The following PRORP variants were observed in gnomAD, a reference collection of about 807,000 sequenced individuals.
The protein encoded by PRORP is mitochondrial ribonuclease P catalytic subunit.
Under a neutral mutation model 59.4 loss-of-function variants are expected in PRORP, and 51 were observed. That is an observed-to-expected ratio of 0.86 (90% CI 0.69 to 1.08). PRORP has a LOEUF of 1.08. Ranked by LOEUF, PRORP falls within the 50% of genes least tolerant of loss-of-function variation. The pLI is 0.00. For synonymous variants in PRORP, 231 were observed against 245.6 expected (o/e 0.94, Z 0.55); for missense variants, 646 against 690.3 (o/e 0.94, Z 0.72).
At chr14:35,227,570 C>A (rs890774965) in intron 5 of PRORP, among the ~76,000 whole-genome samples, 1 of 152,064 alleles carries the variant, frequency 6.6e-6, no homozygotes, top group African/African-American at 2.4e-5. Context: ...CTGAACCAGT[C>A]CTTTAGCTTT....
intron 5 of PRORP, among the ~76,000 whole-genome samples, chr14:35,186,490 C>T (rs971485073): frequency 1.1e-4 from 17 of 151,864 alleles, no homozygotes; most frequent in African/African-American, 3.6e-4. Context: ...TTTCATTTTT[C>T]TTGAAGAAGC....
At chr14:35,214,102 A>G (rs558499604) in intron 5 of PRORP, among the ~76,000 whole-genome samples, 1 of 152,222 alleles carries the variant, frequency 6.6e-6, no homozygotes, top group Non-Finnish European at 1.5e-5. Flanking sequence ...CACTTGTCAG[A>G]ATGTTCATTT....
intron 4 of PRORP, among the ~76,000 whole-genome samples, chr14:35,155,040 G>A (rs555786188): frequency 2.0e-4 from 31 of 152,056 alleles, no homozygotes; most frequent in Non-Finnish European, 3.8e-4. Flanking sequence ...GACTACAGGT[G>A]CCTGCCACCA....
At chr14:35,184,694 AC>A (rs2048700711) in intron 5 of PRORP, among the ~76,000 whole-genome samples, 2 of 151,830 alleles carry the variant, frequency 1.3e-5, no homozygotes, top group Non-Finnish European at 2.9e-5. Flanking sequence ...GCTCAAGTAG[AC>A]CCCAGTGTCT....
At chr14:35,271,489 TTTTG>T (rs1234642317) in intron 7 of PRORP, among the ~76,000 whole-genome samples, 3 of 152,166 alleles carry the variant, frequency 2.0e-5, no homozygotes, top group Non-Finnish European at 4.4e-5. Context: ...TGTTTTTTAT[TTTTG>T]TTTATTTGCA....
intron 5 of PRORP, among the ~76,000 whole-genome samples, chr14:35,261,393 T>C (rs577324481): frequency 1.8e-4 from 27 of 152,330 alleles, no homozygotes; most frequent in Non-Finnish European, 3.5e-4. Context: ...TTACTTTTGA[T>C]CTAACATAGA....
At chr14:35,235,920 AC>A (rs1054296306) in intron 5 of PRORP, among the ~76,000 whole-genome samples, 7 of 151,758 alleles carry the variant, frequency 4.6e-5, no homozygotes, top group Non-Finnish European at 4.4e-5. Context: ...AAACAAAAAA[AC>A]ACCACAAAAA....
intron 4 of PRORP, among the ~76,000 whole-genome samples, chr14:35,153,302 A>G (rs1595199080): frequency 6.6e-6 from 1 of 152,222 alleles, no homozygotes; most frequent in Non-Finnish European, 1.5e-5. Flanking sequence ...AGGCAGGAGA[A>G]TCAGGCAGGG....
intron 4 of PRORP, among the ~76,000 whole-genome samples, chr14:35,175,641 C>T (rs2048429714): frequency 6.6e-6 from 1 of 151,614 alleles, no homozygotes; most frequent in Non-Finnish European, 1.5e-5. Flanking sequence ...TGGATATTAG[C>T]CCTTTGTCAG....
chr14:35,169,395 G>T (rs1235998655), intron 4 of PRORP, among the ~76,000 whole-genome samples: 2 of 152,032 alleles, frequency 1.3e-5, no homozygotes, highest in Non-Finnish European at 2.9e-5. Context: ...CTTATTTTAT[G>T]GTTAGTCTAT....
At chr14:35,194,360 A>G (rs1426012644) in intron 5 of PRORP, among the ~76,000 whole-genome samples, 1 of 152,224 alleles carries the variant, frequency 6.6e-6, no homozygotes, top group African/African-American at 2.4e-5. Flanking sequence ...GTCATAAAAA[A>G]GGATGAGTTC....
chr14:35,192,685 C>G (rs1175617671), intron 5 of PRORP, among the ~76,000 whole-genome samples: 2 of 152,154 alleles, frequency 1.3e-5, no homozygotes, highest in African/African-American at 4.8e-5. Context: ...TAATAACTTT[C>G]CATTAAGAAA....
chr14:35,225,747 G>A (rs1277877308), intron 5 of PRORP, among the ~76,000 whole-genome samples: 1 of 151,958 alleles, frequency 6.6e-6, no homozygotes, highest in Non-Finnish European at 1.5e-5. Flanking sequence ...TTATAGTGAA[G>A]AGTAGAAAAC....
intron 5 of PRORP, among the ~76,000 whole-genome samples, chr14:35,231,693 G>GA (rs1425475827): frequency 6.6e-6 from 1 of 152,098 alleles, no homozygotes. Context: ...TTTTATAGCT[G>GA]AAATTTAAAA....
At chr14:35,259,180 C>A (rs2050835185) in intron 5 of PRORP, among the ~76,000 whole-genome samples, 1 of 152,178 alleles carries the variant, frequency 6.6e-6, no homozygotes, top group African/African-American at 2.4e-5. Flanking sequence ...CTTAGATTGA[C>A]CCTGTTACCA....
chr14:35,162,453 G>A (rs900705401), intron 4 of PRORP, among the ~76,000 whole-genome samples: 1 of 152,002 alleles, frequency 6.6e-6, no homozygotes, highest in African/African-American at 2.4e-5. Flanking sequence ...CTTGGAGTGT[G>A]GTGGAGCATA....
At chr14:35,247,333 T>G (rs956179397) in intron 5 of PRORP, among the ~76,000 whole-genome samples, 2 of 152,230 alleles carry the variant, frequency 1.3e-5, no homozygotes, top group Non-Finnish European at 2.9e-5. Context: ...TTTCTCTTAC[T>G]ATTTTTTCTG....
At chr14:35,157,227 TTAC>T (rs1308932346) in intron 4 of PRORP, among the ~76,000 whole-genome samples, 1 of 152,132 alleles carries the variant, frequency 6.6e-6, no homozygotes, top group African/African-American at 2.4e-5. Flanking sequence ...AGTGCTGGGA[TTAC>T]AGGCGTGAGC....
At chr14:35,171,753 C>T (rs975772305) in intron 4 of PRORP, among the ~76,000 whole-genome samples, 9 of 152,168 alleles carry the variant, frequency 5.9e-5, no homozygotes, top group African/African-American at 2.2e-4. Flanking sequence ...TCCTTTCTAT[C>T]CTCTCCTTCT....
Sources: gnomAD v4.1 joint callset for allele counts (sites outside exome capture counted in the v4.1 genomes callset) on GRCh38, gnomAD v4.1.1 for gene constraint, MANE v1.5 for transcripts, NCBI Gene and HGNC (gene_info 2026-07-23, HGNC 2026-07-21) for gene names.